CNBD1: variants seen among roughly 807,000 people sequenced by gnomAD.
The protein encoded by CNBD1 is cyclic nucleotide-binding domain-containing protein 1.
CNBD1 carries 71 observed loss-of-function variants against 54.4 expected under a neutral mutation model. The ratio of observed to expected loss-of-function variants is 1.30; its 90% CI spans 1.08 to 1.59. CNBD1 has a LOEUF of 1.59. Ranked by LOEUF, CNBD1 falls within the 40% of genes most tolerant of loss-of-function variation. The pLI is 0.00. For synonymous variants in CNBD1, 182 were observed against 170.7 expected, an observed-to-expected ratio of 1.07 and a Z score of -0.51; for missense variants, 659 against 518.0, an observed-to-expected ratio of 1.27 and a Z score of -2.64.
At chr8:87,321,467 T>C (rs972808930) in intron 8 of CNBD1, among the ~76,000 whole-genome samples, 1 of 152,220 alleles carries the variant, frequency 6.6e-6, no homozygotes, top group African/African-American at 2.4e-5. Context: ...CATCTTTTCT[T>C]ATACCTGTTC....
chr8:87,091,650 T>A (rs943932210), intron 4 of CNBD1, among the ~76,000 whole-genome samples: 1 of 151,712 alleles, frequency 6.6e-6, no homozygotes, highest in East Asian at 1.9e-4. Flanking sequence ...ATAAAGGGAG[T>A]TCCATTTTCT....
chr8:87,001,669 A>G lies in CNBD1; in HGVS notation c.431+61915A>G, dbSNP rs190631472. On this transcript the variant is annotated intron_variant, in intron 4 of 10. Transcript: ENST00000518476. ...AATCACTCATTTTTTCACTTTTTCA[A>G]TAGCCTGGGATCATGCATAATTAAG... Among the ~76,000 whole-genome samples, 397 of 152,296 alleles carry G rather than the reference A, an allele frequency of 2.6e-3. 3 individuals are homozygous for G. Among genetic ancestry groups the G allele is most frequent in the Admixed American group, 4.8e-3 (74 of 15,284 alleles).
At chr8:87,157,775 A>T (rs1388996022) in intron 4 of CNBD1, among the ~76,000 whole-genome samples, 1 of 152,124 alleles carries the variant, frequency 6.6e-6, no homozygotes, top group East Asian at 1.9e-4. Flanking sequence ...CATTCCTAGC[A>T]CATTTGCCTA....
At chr8:87,038,026 G>A (rs1165466331) in intron 4 of CNBD1, among the ~76,000 whole-genome samples, 1 of 152,170 alleles carries the variant, frequency 6.6e-6, no homozygotes, top group Non-Finnish European at 1.5e-5. Context: ...CATGGGGCCT[G>A]ATGATAGAGA....
At chr8:87,083,074 C>A (rs1811028303) in intron 4 of CNBD1, among the ~76,000 whole-genome samples, 1 of 152,188 alleles carries the variant, frequency 6.6e-6, no homozygotes, top group African/African-American at 2.4e-5. Context: ...GCCCTACAAA[C>A]CATAAATTCT....
intron 4 of CNBD1, among the ~76,000 whole-genome samples, chr8:87,176,646 G>T (rs572082058): frequency 1.4e-5 from 2 of 147,300 alleles, no homozygotes; most frequent in African/African-American, 4.9e-5. Context: ...CACCACGCCC[G>T]GCTAAATTTT....
At chr8:87,399,285 A>G (rs1249310307) in intron 2 of CNBD1, among the ~76,000 whole-genome samples, 1 of 152,004 alleles carries the variant, frequency 6.6e-6, no homozygotes, top group African/African-American at 2.4e-5. Flanking sequence ...TCGTGAGGAT[A>G]CCCAGCCATG....
intron 4 of CNBD1, among the ~76,000 whole-genome samples, chr8:87,012,105 A>G (rs1281414233): frequency 1.3e-5 from 2 of 152,226 alleles, no homozygotes; most frequent in Admixed American, 6.5e-5. Context: ...TAAGTTAGAA[A>G]GAACTAGAAA....
chr8:86,882,358 A>G (rs1808618089), intron 1 of CNBD1, among the ~76,000 whole-genome samples: 1 of 152,206 alleles, frequency 6.6e-6, no homozygotes, highest in South Asian at 2.1e-4. Context: ...AAAAGTGGGC[A>G]AAGGACATGA....
chr8:87,243,508 C>T (rs1034795638), intron 6 of CNBD1, among the ~76,000 whole-genome samples: 1 of 152,114 alleles, frequency 6.6e-6, no homozygotes, highest in African/African-American at 2.4e-5. Flanking sequence ...GTCAGTGCTC[C>T]ATATTCTTTT....
downstream of CNBD1, among the ~76,000 whole-genome samples, chr8:87,383,033 T>C (rs1811113720): frequency 1.3e-5 from 2 of 151,968 alleles, no homozygotes; most frequent in African/African-American, 4.8e-5. Context: ...CACATGTGCC[T>C]TTTGGGATTA....
chr8:87,227,609 C>T (rs1160116128), intron 5 of CNBD1, among the ~76,000 whole-genome samples: 8 of 128,420 alleles, frequency 6.2e-5, no homozygotes, highest in Admixed American at 1.6e-4. Flanking sequence ...CCGAGAGATC[C>T]GCTGTTAGTC....
intron 6 of CNBD1, among the ~76,000 whole-genome samples, chr8:87,254,487 C>A (rs1807972091): frequency 6.6e-6 from 1 of 152,128 alleles, no homozygotes; most frequent in Non-Finnish European, 1.5e-5. Context: ...CCCAACACAT[C>A]CAAGTGGTAT....
chr8:87,079,830 G>A, intron 4 of CNBD1, among the ~76,000 whole-genome samples: 1 of 152,044 alleles, frequency 6.6e-6, no homozygotes, highest in South Asian at 2.1e-4. Context: ...TTGTAATAAA[G>A]TTTAATTTTT....
intron 2 of CNBD1, among the ~76,000 whole-genome samples, chr8:87,423,920 T>A (rs1381055914): frequency 5.3e-5 from 8 of 152,234 alleles, no homozygotes; most frequent in Non-Finnish European, 1.0e-4. Flanking sequence ...CTCTTTTTGG[T>A]TGGTAAGCTA....
chr8:87,296,307 CA>C (rs1366543964), intron 8 of CNBD1, among the ~76,000 whole-genome samples: 1 of 152,024 alleles, frequency 6.6e-6, no homozygotes, highest in Non-Finnish European at 1.5e-5. Context: ...ATGCCTTCTG[CA>C]TGGAAAGTTT....
chr8:87,318,923 G>T (rs554984331), intron 8 of CNBD1, among the ~76,000 whole-genome samples: 3 of 152,144 alleles, frequency 2.0e-5, no homozygotes, highest in South Asian at 4.1e-4. Context: ...AAACTTGTAA[G>T]AGTTTTAGGA....
At chr8:86,919,172 CA>C (rs1809234134) in intron 3 of CNBD1, among the ~76,000 whole-genome samples, 2 of 151,998 alleles carry the variant, frequency 1.3e-5, no homozygotes, top group South Asian at 4.1e-4. Flanking sequence ...ACGATGTAAA[CA>C]AAGAAATACA....
At position 87,382,699 on chromosome 8, in the gene CNBD1, A is replaced by G; in HGVS notation, c.*72A>G. 1.7e-6 allele frequency: 2 copies of G among 1,145,122 alleles called. No individual in the cohort carries two copies. The highest frequency in any genetic ancestry group is 2.5e-6 in the Non-Finnish European group (2 of 792,916). 70.9% of individuals were successfully genotyped at this position (1,145,122 alleles called of 1,614,324 possible). A position where few individuals can be genotyped will look rare whatever the true frequency, so the allele number is the denominator to read the frequency against. On this transcript the variant is annotated 3_prime_UTR_variant, in exon 11 of 11. Coordinates refer to ENST00000518476, the MANE Select transcript of CNBD1 (RefSeq NM_173538.3). ...AATAATGGAATAATTGCATTCTGGA[A>G]TACTATCAAACTACCAGCAATGAAT...
Sources: gnomAD v4.1 joint callset for allele counts (sites outside exome capture counted in the v4.1 genomes callset) on GRCh38, gnomAD v4.1.1 for gene constraint, MANE v1.5 for transcripts, NCBI Gene and HGNC (gene_info 2026-07-23, HGNC 2026-07-21) for gene names.